UBE2R2: variants seen among roughly 807,000 people sequenced by gnomAD.
UBE2R2 encodes the protein ubiquitin conjugating enzyme E2 R2, also known as ubiquitin-conjugating enzyme E2 R2.
UBE2R2 carries 1 observed loss-of-function variant against 27.8 expected under a neutral mutation model. The ratio of observed to expected loss-of-function variants is 0.04; its 90% CI spans 0.01 to 0.17. UBE2R2 has a LOEUF of 0.17. Among genes scored for constraint, UBE2R2 ranks in the 10% least tolerant of loss-of-function variants. UBE2R2 has a pLI of 1.00. For missense variants in UBE2R2, 100 were observed against 291.0 expected, an observed-to-expected ratio of 0.34 and a Z score of 4.78; for synonymous variants, 106 against 113.3, an observed-to-expected ratio of 0.94 and a Z score of 0.41.
In UBE2R2 at chr9:33,817,601, G is replaced by A. The variant is rs1825828297; in HGVS notation, c.-157G>A. Reference sequence around the variant, plus strand: ...AGGAGGACCCCGGGCGGGCCCACGGGCCGTGTGGGGCCTGGTCTGGCCCGC... The same window carrying A: ...AGGAGGACCCCGGGCGGGCCCACGGACCGTGTGGGGCCTGGTCTGGCCCGC... On this transcript the variant is annotated 5_prime_UTR_variant, in exon 1 of 5. Transcript: ENST00000263228. 2.3e-6 allele frequency: 2 copies of A among 880,454 alleles called. No individual in the cohort carries two copies. The highest frequency in any genetic ancestry group is 2.8e-6 in the Non-Finnish European group (2 of 710,498). 54.5% of individuals were successfully genotyped at this position (880,454 alleles called of 1,614,324 possible). A position where few individuals can be genotyped will look rare whatever the true frequency, so the allele number is the denominator to read the frequency against.
intron 1 of UBE2R2, among the ~76,000 whole-genome samples, chr9:33,858,609 C>T (rs1821158038): frequency 1.3e-5 from 2 of 151,918 alleles, no homozygotes; most frequent in South Asian, 4.2e-4. Flanking sequence ...GCCATGTTGC[C>T]CAGGCTGGTC....
intron 1 of UBE2R2, among the ~76,000 whole-genome samples, chr9:33,823,380 A>AT (rs147648376): frequency 2.0e-5 from 3 of 149,552 alleles, no homozygotes; most frequent in Admixed American, 6.7e-5. Context: ...TTGAAAAAAA[A>AT]TTTTTTTTTT....
chr9:33,820,058 G>A (rs1472940199), intron 1 of UBE2R2, among the ~76,000 whole-genome samples: 1 of 152,146 alleles, frequency 6.6e-6, no homozygotes, highest in Non-Finnish European at 1.5e-5. Context: ...TAAATAAATG[G>A]GTACTAGTTA....
intron 1 of UBE2R2, among the ~76,000 whole-genome samples, chr9:33,831,881 A>C (rs1820492335): frequency 6.6e-6 from 1 of 151,706 alleles, no homozygotes; most frequent in Non-Finnish European, 1.5e-5. Context: ...GGCTGGTCTC[A>C]AACTCCCGAA....
intron 1 of UBE2R2, among the ~76,000 whole-genome samples, chr9:33,848,697 G>A (rs1053934275): frequency 1.3e-5 from 2 of 151,720 alleles, no homozygotes; most frequent in Non-Finnish European, 2.9e-5. Flanking sequence ...TGCCTCCCAG[G>A]TTCTAGCAAT....
intron 3 of UBE2R2, among the ~76,000 whole-genome samples, chr9:33,907,733 A>G (rs1416807107): frequency 6.6e-6 from 1 of 152,182 alleles, no homozygotes; most frequent in Non-Finnish European, 1.5e-5. Flanking sequence ...GTTTCTCCTG[A>G]GAAAATACAG....
intron 4 of UBE2R2, among the ~76,000 whole-genome samples, chr9:33,913,689 C>T (rs76815762): frequency 6.6e-6 from 1 of 152,260 alleles, no homozygotes; most frequent in African/African-American, 2.4e-5. Flanking sequence ...ATCTAGTTGG[C>T]TTGAGACCAT....
intron 1 of UBE2R2, among the ~76,000 whole-genome samples, chr9:33,846,876 T>C (rs1200102283): frequency 6.6e-6 from 1 of 152,194 alleles, no homozygotes; most frequent in Non-Finnish European, 1.5e-5. Flanking sequence ...CTTCCTGAAG[T>C]GGTACTTTTA....
Position 33,817,553 on chromosome 9 carries a change from C to A in UBE2R2, c.-205C>A. On this transcript the variant is annotated 5_prime_UTR_variant, in exon 1 of 5. Transcript: ENST00000263228. Reference sequence around the variant, plus strand: ...CGGCCCGAGTGTGAGGAGAAGGGCCCGGCCCGGCCTGCGTCGTGTGTGAGG... The same window carrying A: ...CGGCCCGAGTGTGAGGAGAAGGGCCAGGCCCGGCCTGCGTCGTGTGTGAGG... 1 of 368,614 alleles carries A rather than the reference C, an allele frequency of 2.7e-6. No homozygotes were observed. The allele number at this position is 368,614 out of a possible 1,614,324, so 22.8% of individuals were successfully genotyped here. A position where few individuals can be genotyped will look rare whatever the true frequency, so the allele number is the denominator to read the frequency against.
At chr9:33,858,686 A>G (rs1033919795) in intron 1 of UBE2R2, among the ~76,000 whole-genome samples, 1 of 152,090 alleles carries the variant, frequency 6.6e-6, no homozygotes, top group African/African-American at 2.4e-5. Flanking sequence ...GATTACAGGC[A>G]TGAGTCACCG....
chr9:33,819,465 A>G (rs1249706351), intron 1 of UBE2R2, among the ~76,000 whole-genome samples: 1 of 152,216 alleles, frequency 6.6e-6, no homozygotes, highest in Non-Finnish European at 1.5e-5. Context: ...TGGTCAGCCT[A>G]CCCTATACTT....
intron 1 of UBE2R2, among the ~76,000 whole-genome samples, chr9:33,833,439 C>T (rs1162826115): frequency 6.6e-6 from 1 of 152,228 alleles, no homozygotes; most frequent in Non-Finnish European, 1.5e-5. Context: ...GGTGATCCAC[C>T]TGCCTCGGCC....
At chr9:33,907,899 G>A (rs575392979) in intron 3 of UBE2R2, among the ~76,000 whole-genome samples, 264 of 152,086 alleles carry the variant, frequency 1.7e-3, no homozygotes, top group Middle Eastern at 3.4e-3. Context: ...CACGATCTCG[G>A]CTCATTGCAA....
chr9:33,866,519 G>A (rs961823123), intron 1 of UBE2R2, among the ~76,000 whole-genome samples: 4 of 152,206 alleles, frequency 2.6e-5, no homozygotes, highest in Admixed American at 2.0e-4. Flanking sequence ...GATTACAGGC[G>A]TGAGTCACCG....
At chr9:33,875,548 T>C (rs949933737) in intron 1 of UBE2R2, among the ~76,000 whole-genome samples, 6 of 152,184 alleles carry the variant, frequency 3.9e-5, no homozygotes, top group African/African-American at 1.4e-4. Flanking sequence ...TTGGGCAACA[T>C]AGTGAGACCC....
chr9:33,905,993 AAATC>A (rs1300482550), intron 3 of UBE2R2, among the ~76,000 whole-genome samples: 4 of 152,188 alleles, frequency 2.6e-5, no homozygotes, highest in African/African-American at 4.8e-5. Flanking sequence ...CTCAATATCT[AAATC>A]AATCTGCGTG....
In UBE2R2 at chr9:33,919,159, G is replaced by C. The variant is rs1056668695; in HGVS notation, c.*1922G>C. On this transcript the variant is annotated 3_prime_UTR_variant, in exon 5 of 5. Transcript: ENST00000263228. The stretch of plus-strand genomic sequence containing the variant: ...GAACAGAGCAGCTTCGTAATACATT[G>C]TCAAGTTACCTGATTACAAACTCTC... The C allele has an allele frequency of 6.6e-6, 1 of 152,196 alleles. No homozygotes were observed. Among genetic ancestry groups the C allele is most frequent in the Non-Finnish European group, 1.5e-5 (1 of 68,034 alleles). 9.4% of individuals were successfully genotyped at this position (152,196 alleles called of 1,614,324 possible).
rs1186068452 is a variant in UBE2R2, at chr9:33,919,082, G to A, written c.*1845G>A. Reference sequence around the variant, plus strand: ...GTCCCAGAATCTGTGATCTCCACAGGGCCAGGGTTGCTACTTGCACCCAGA... The same window carrying A: ...GTCCCAGAATCTGTGATCTCCACAGAGCCAGGGTTGCTACTTGCACCCAGA... On this transcript the variant is annotated 3_prime_UTR_variant, in exon 5 of 5. Coordinates refer to ENST00000263228, the MANE Select transcript of UBE2R2 (RefSeq NM_017811.4). The A allele has an allele frequency of 6.6e-6, 1 of 152,500 alleles. No homozygotes were observed. Among genetic ancestry groups the A allele is most frequent in the Admixed American group, 6.5e-5 (1 of 15,272 alleles). The allele number at this position is 152,500 out of a possible 1,614,324, so 9.4% of individuals were successfully genotyped here.
In UBE2R2 at chr9:33,919,582, A is replaced by ACAAT. The variant is rs1388573516; in HGVS notation, c.*2348_*2351dup. 9 of 148,582 alleles carry ACAAT rather than the reference A, an allele frequency of 6.1e-5. No homozygotes were observed. The highest frequency in any genetic ancestry group is 1.5e-4 in the African/African-American group (6 of 39,524). 9.2% of individuals were successfully genotyped at this position (148,582 alleles called of 1,614,324 possible). On this transcript the variant is annotated 3_prime_UTR_variant, in exon 5 of 5. Coordinates refer to ENST00000263228, the MANE Select transcript of UBE2R2 (RefSeq NM_017811.4). Reference sequence around the variant, plus strand: ...AGGGCTGGGTTTGCCTCTGATGAGTACAATCAGTTCCAGAAGACTGGGTAA... The same window carrying ACAAT: ...AGGGCTGGGTTTGCCTCTGATGAGTACAATCAATCAGTTCCAGAAGACTGGGTAA...
Sources: allele counts gnomAD v4.1 joint callset (sites outside exome capture counted in the v4.1 genomes callset), GRCh38; gene constraint gnomAD v4.1.1; transcripts MANE v1.5; gene names NCBI Gene and HGNC (gene_info 2026-07-23, HGNC 2026-07-21).